Variants in BRD1 observed in about 807,000 individuals in gnomAD.
BRD1 encodes bromodomain containing 1, also known as bromodomain-containing protein 1.
A neutral mutation model predicts 107.7 loss-of-function variants in BRD1; 24 were observed. That is an observed-to-expected ratio of 0.22 (90% CI 0.16 to 0.31). BRD1 has a LOEUF of 0.31. Ranked by LOEUF, BRD1 falls within the 10% of genes least tolerant of loss-of-function variation. The probability of loss-of-function intolerance (pLI) is 1.00; values close to 1 mark genes in which losing one functional copy is unlikely to be tolerated. For missense variants in BRD1, 1,279 were observed against 1,638.6 expected (o/e 0.78, Z 3.79); for synonymous variants, 744 against 686.1 (o/e 1.08, Z -1.32).
At chr22:49,797,655 A>T (rs764549947) in intron 6 of BRD1, 150 bp downstream of exon 6, 322 of 710,384 alleles carry the variant, frequency 4.5e-4, no homozygotes, top group Non-Finnish European at 5.4e-4. Context: ...TCCATTTTTC[A>T]GTGAGGCTAC....
intron 8 of BRD1, among the ~76,000 whole-genome samples, chr22:49,784,215 G>C (rs1391316701): frequency 6.8e-6 from 1 of 145,996 alleles, no homozygotes; most frequent in East Asian, 2.0e-4. Flanking sequence ...CCGCAACGGC[G>C]GTGAGTGGAC....
At chr22:49,807,407 C>T (rs187319693) in intron 2 of BRD1, among the ~76,000 whole-genome samples, 5 of 152,258 alleles carry the variant, frequency 3.3e-5, no homozygotes, top group East Asian at 1.9e-4. Flanking sequence ...GCGGTGCTGA[C>T]GAAAGGACAC....
rs543480304 is a variant in BRD1, at chr22:49,819,667, T to C, written c.1367+3284A>G. On this transcript the variant is annotated intron_variant, in intron 2 of 12. Transcript: ENST00000404760. ...GTTTTCACCATGTTAGCCAGGCTGG[T>C]CTCGAACTCCTGACCTCGTGATCTA... Among the ~76,000 whole-genome samples, 8 of 150,596 alleles carry C rather than the reference T, an allele frequency of 5.3e-5. No individual in the cohort carries two copies. The East Asian group carries it at 1.4e-3, about 27-fold the overall frequency.
chr22:49,795,007 A>C (rs2059503591), intron 6 of BRD1, among the ~76,000 whole-genome samples: 1 of 148,782 alleles, frequency 6.7e-6, no homozygotes, highest in South Asian at 2.1e-4. Flanking sequence ...GAGAGAAGAC[A>C]AAAAAAAAAG....
chr22:49,793,537 G>A (rs1454092298), intron 7 of BRD1, among the ~76,000 whole-genome samples: 2 of 152,302 alleles, frequency 1.3e-5, no homozygotes, highest in East Asian at 1.9e-4. Flanking sequence ...TGCAGGTACC[G>A]TCCCTCCCTT....
intron 3 of BRD1, among the ~76,000 whole-genome samples, chr22:49,801,738 G>T (rs1189344868): frequency 1.3e-5 from 2 of 152,240 alleles, no homozygotes; most frequent in Non-Finnish European, 2.9e-5. Context: ...CAGGACGTGA[G>T]GCCTAACAGG....
rs572437153 is a variant in BRD1, at chr22:49,781,730, C to T, written c.2858-3917G>A. ...GAAGACCAGAGCCCTGAGGGCCCCACGCAGTGACAAAGGAGAGCCCACTAT... is the reference window on the plus strand; with the variant it reads ...GAAGACCAGAGCCCTGAGGGCCCCATGCAGTGACAAAGGAGAGCCCACTAT... On this transcript the variant is annotated intron_variant, in intron 8 of 12. Coordinates refer to ENST00000404760, the MANE Select transcript of BRD1 (RefSeq NM_001304808.3). 2.6e-3 allele frequency among the ~76,000 whole-genome samples: 395 copies of T among 152,406 alleles called. 1 individual carries two copies. Among genetic ancestry groups the T allele is most frequent in the Non-Finnish European group, 4.7e-3 (322 of 68,046 alleles).
Position 49,811,781 on chromosome 22 carries a change from C to T in BRD1, c.1368-7421G>A, listed in dbSNP as rs1601713295. On this transcript the variant is annotated intron_variant, in intron 2 of 12. Coordinates refer to ENST00000404760, the MANE Select transcript of BRD1 (RefSeq NM_001304808.3). ...GTCTCAGTGAAGCTGACAAAATTCC[C>T]CCACGGGCGGCAGAACAGGGATGGA... Among the ~76,000 whole-genome samples, 5 of 152,344 alleles carry T rather than the reference C, an allele frequency of 3.3e-5. No homozygotes were observed. The South Asian group carries it at 8.3e-4, about 25-fold the overall frequency.
intron 2 of BRD1, among the ~76,000 whole-genome samples, chr22:49,814,888 G>A (rs1047089660): frequency 6.6e-6 from 1 of 152,230 alleles, no homozygotes; most frequent in Non-Finnish European, 1.5e-5. Flanking sequence ...ACAGAAATCA[G>A]CTACACTGTG....
chr22:49,804,806 G>GCAC (rs2059709049), intron 2 of BRD1, among the ~76,000 whole-genome samples: 1 of 151,978 alleles, frequency 6.6e-6, no homozygotes, highest in Non-Finnish European at 1.5e-5. Context: ...AGCCGAAATC[G>GCAC]CACCACTGCA....
intron 8 of BRD1, among the ~76,000 whole-genome samples, chr22:49,781,032 T>C (rs539363958): frequency 1.2e-4 from 18 of 152,304 alleles, no homozygotes; most frequent in African/African-American, 4.3e-4. Context: ...AAAGTAAAGC[T>C]GGTGACTGTG....
intron 2 of BRD1, among the ~76,000 whole-genome samples, chr22:49,820,176 T>C (rs1283289264): frequency 1.3e-5 from 2 of 152,188 alleles, no homozygotes; most frequent in Admixed American, 6.5e-5. Context: ...ACTTGAAATT[T>C]TAATTTTTTA....
At chr22:49,810,741 A>C (rs2059834367) in intron 2 of BRD1, among the ~76,000 whole-genome samples, 2 of 152,246 alleles carry the variant, frequency 1.3e-5, no homozygotes, top group African/African-American at 4.8e-5. Context: ...GCAAAGCAAA[A>C]CCCCCGAGCG....
chr22:49,802,033 T>C (rs2059651731), intron 3 of BRD1, among the ~76,000 whole-genome samples: 2 of 152,238 alleles, frequency 1.3e-5, no homozygotes, highest in South Asian at 4.1e-4. Flanking sequence ...AGCTCCTCTG[T>C]GACTTACCTG....
chr22:49,787,326 T>A, intron 8 of BRD1, 64 bp downstream of exon 8: 9 of 708,110 alleles, frequency 1.3e-5, no homozygotes, highest in Non-Finnish European at 1.4e-5. Context: ...ACACCAATGA[T>A]CCTGAAGGAC....
intron 7 of BRD1, among the ~76,000 whole-genome samples, chr22:49,789,490 TC>T (rs377366419): frequency 0.012 from 1,647 of 139,740 alleles, 29 homozygotes; most frequent in African/African-American, 0.041. Flanking sequence ...CCTCCTAGCC[TC>T]CCCCCCCCGC....
chr22:49,815,872 G>A (rs1353826091), intron 2 of BRD1, among the ~76,000 whole-genome samples: 2 of 152,140 alleles, frequency 1.3e-5, no homozygotes, highest in African/African-American at 2.4e-5. Context: ...CTTCCTTCCC[G>A]AGTGCCCGCC....
chr22:49,819,983 G>A (rs1601742263), intron 2 of BRD1, among the ~76,000 whole-genome samples: 2 of 151,624 alleles, frequency 1.3e-5, no homozygotes, highest in East Asian at 2.0e-4. Context: ...TACAAAAATC[G>A]GCCGGGTGTG....
At chr22:49,798,721 G>T in intron 4 of BRD1, 35 bp from the exon 5 acceptor site, 1 of 1,541,196 alleles carries the variant, frequency 6.5e-7, no homozygotes, top group South Asian at 1.2e-5. Flanking sequence ...GCTTTAGGGA[G>T]CCGCACATGC....
Sources: gnomAD v4.1 joint callset for allele counts (sites outside exome capture counted in the v4.1 genomes callset) on GRCh38, gnomAD v4.1.1 for gene constraint, MANE v1.5 for transcripts, NCBI Gene and HGNC (gene_info 2026-07-23, HGNC 2026-07-21) for gene names.